Variants in INPP5D observed in about 807,000 individuals in gnomAD.
The protein encoded by INPP5D is inositol polyphosphate-5-phosphatase D, also known as phosphatidylinositol 3,4,5-trisphosphate 5-phosphatase 1.
In INPP5D, 33 loss-of-function variants were observed where a neutral mutation model predicts 122.9. The ratio of observed to expected loss-of-function variants is 0.27; its 90% CI spans 0.20 to 0.36. The LOEUF (loss-of-function observed/expected upper bound fraction) is 0.36. Ranked by LOEUF, INPP5D falls within the 10% of genes least tolerant of loss-of-function variation. The pLI is 1.00. For missense variants in INPP5D, 1,053 were observed against 1,412.7 expected (o/e 0.75, Z 4.08); for synonymous variants, 584 against 576.2 (o/e 1.01, Z -0.19).
intron 2 of INPP5D, among the ~76,000 whole-genome samples, chr2:233,091,012 C>T (rs1174031432): frequency 6.6e-6 from 1 of 151,884 alleles, no homozygotes; most frequent in Non-Finnish European, 1.5e-5. Flanking sequence ...AAAGATACCA[C>T]TGGCTGCTTG....
At chr2:233,186,444 A>G in intron 21 of INPP5D, among the ~76,000 whole-genome samples, 1 of 152,162 alleles carries the variant, frequency 6.6e-6, no homozygotes, top group Non-Finnish European at 1.5e-5. Context: ...TGCAAAGAGC[A>G]GAGGGTGGAA....
intron 2 of INPP5D, among the ~76,000 whole-genome samples, chr2:233,109,086 CCCAG>C (rs1160018736): frequency 1.1e-4 from 17 of 152,228 alleles, no homozygotes; most frequent in Admixed American, 9.8e-4. Context: ...CATTCCTCTG[CCCAG>C]CCAGAGTACC....
chr2:233,132,259 A>G (rs1389873670), intron 5 of INPP5D, among the ~76,000 whole-genome samples: 1 of 152,178 alleles, frequency 6.6e-6, no homozygotes, highest in Non-Finnish European at 1.5e-5. Context: ...CCTTGTGGAG[A>G]AAGAAATGTA....
intron 2 of INPP5D, among the ~76,000 whole-genome samples, chr2:233,092,360 G>A (rs757434643): frequency 5.9e-5 from 9 of 152,250 alleles, no homozygotes; most frequent in Non-Finnish European, 1.2e-4. Flanking sequence ...AAAGAAGAGC[G>A]TCTCAGGGAT....
At chr2:233,084,836 G>A (rs543718424) in intron 2 of INPP5D, among the ~76,000 whole-genome samples, 3 of 152,368 alleles carry the variant, frequency 2.0e-5, no homozygotes, top group South Asian at 4.1e-4. Flanking sequence ...GCCATGCCAA[G>A]GACAATGGGC....
chr2:233,064,455 T>A (rs1691156469), intron 1 of INPP5D, among the ~76,000 whole-genome samples: 1 of 152,176 alleles, frequency 6.6e-6, no homozygotes, highest in Non-Finnish European at 1.5e-5. Flanking sequence ...CAGCAGAAGG[T>A]TGTTACCAAC....
chr2:233,169,214 G>T, intron 13 of INPP5D, 91 bp from the exon 14 acceptor site: 1 of 1,529,526 alleles, frequency 6.5e-7, no homozygotes, highest in South Asian at 1.2e-5. Context: ...CTCACTCACT[G>T]CCCCTCTCAC....
At chr2:233,066,867 T>C (rs114586452) in intron 1 of INPP5D, among the ~76,000 whole-genome samples, 8,040 of 152,126 alleles carry the variant, frequency 0.053, 558 homozygotes, top group African/African-American at 0.16. Context: ...TAACCTCCGC[T>C]TCCTGAATTC....
At chr2:233,080,430 GGT>G (rs5839469) in intron 2 of INPP5D, among the ~76,000 whole-genome samples, 117,981 of 148,492 alleles carry the variant, frequency 0.79, 47,354 homozygotes, top group Middle Eastern at 0.89. Context: ...CCACATCCCG[GGT>G]GTGTGTGTGT....
Position 233,171,145 on chromosome 2 carries a change from C to G in INPP5D, c.1982C>G (p.Ala661Gly). The G allele has an allele frequency of 6.2e-7, 1 of 1,613,612 alleles. No homozygotes were observed. Among genetic ancestry groups the G allele is most frequent in the African/African-American group, 1.3e-5 (1 of 74,960 alleles). ...RDKYAYTKQK[A>G]TGMKYNLPSW... ...AAATACGCCTACACCAAGCAGAAAG[C>G]GACAGGGGTGAGTCCTCTTCATAGA... The change falls in exon 17 of 27, where the codon GCG becomes GGG. Residue 661 changes from alanine to glycine, a missense_variant. By Grantham distance (60) the Ala-to-Gly change is moderately conservative. Around this residue, in one of 6 missense-constraint regions of INPP5D, gnomAD observed 258 missense variants for 439.1 expected, o/e 0.59. Transcript: ENST00000445964.
chr2:233,164,235 G>A lies in INPP5D; in HGVS notation c.1438-72G>A. On this transcript the variant is annotated intron_variant, in intron 12 of 26. Coordinates refer to ENST00000445964, the MANE Select transcript of INPP5D (RefSeq NM_001017915.3). The surrounding 1 kb of genome is among the most constrained non-coding windows in gnomAD (Gnocchi z 4.3). ...ATACCCAGGGGCTGCGGCTGGGGCTGGGTGTGAATCACTGTGCCCTGGTTC... is the reference window on the plus strand; with the variant it reads ...ATACCCAGGGGCTGCGGCTGGGGCTAGGTGTGAATCACTGTGCCCTGGTTC... The A allele has an allele frequency of 2.0e-6, 3 of 1,485,668 alleles. No individual in the cohort carries two copies. Among genetic ancestry groups the A allele is most frequent in the Non-Finnish European group, 1.8e-6 (2 of 1,112,332 alleles). 92.0% of individuals were successfully genotyped at this position (1,485,668 alleles called of 1,614,324 possible).
At chr2:233,201,871 A>G (rs1695348914) in intron 25 of INPP5D, among the ~76,000 whole-genome samples, 1 of 152,194 alleles carries the variant, frequency 6.6e-6, no homozygotes, top group South Asian at 2.1e-4. Flanking sequence ...TCCCCTAGAT[A>G]TCGGTTCCCT....
At chr2:233,111,958 G>T (rs564021264) in intron 2 of INPP5D, among the ~76,000 whole-genome samples, 45 of 151,868 alleles carry the variant, frequency 3.0e-4, no homozygotes, top group African/African-American at 6.8e-4. Flanking sequence ...AGGTACTTGG[G>T]GGGGCTGAGG....
In INPP5D at chr2:233,100,659, T is replaced by C. The variant is rs1409370755; in HGVS notation, c.198+21261T>C. 6.6e-6 allele frequency among the ~76,000 whole-genome samples: 1 copy of C among 151,906 alleles called. No homozygotes were observed. Among genetic ancestry groups the C allele is most frequent in the Non-Finnish European group, 1.5e-5 (1 of 67,978 alleles). Reference sequence around the variant, plus strand: ...AGGCTTGGTTCTACGGAAGCTGGGGTCGTCACAGCCTGTTTTCTGCCTTGG... The same window carrying C: ...AGGCTTGGTTCTACGGAAGCTGGGGCCGTCACAGCCTGTTTTCTGCCTTGG... On this transcript the variant is annotated intron_variant, in intron 2 of 26. Transcript: ENST00000445964. The surrounding 1 kb of genome is among the most constrained non-coding windows in gnomAD (Gnocchi z 5.3).
intron 5 of INPP5D, among the ~76,000 whole-genome samples, chr2:233,136,042 A>G (rs1044402147): frequency 1.3e-5 from 2 of 152,236 alleles, no homozygotes; most frequent in South Asian, 2.1e-4. Flanking sequence ...TAAGAAAGAA[A>G]CTGACACAAT....
rs920042994 is a variant in INPP5D, at chr2:233,128,541, G to A, written c.525-1967G>A. ...CACCCAAGCTGGAACACAGTGGCGC[G>A]ATCTCGGCTCACTGCAACCTCTACC... On this transcript the variant is annotated intron_variant, in intron 4 of 26. Transcript: ENST00000445964. The surrounding 1 kb of genome is among the most constrained non-coding windows in gnomAD (Gnocchi z 4.5). 1.3e-5 allele frequency among the ~76,000 whole-genome samples: 2 copies of A among 152,120 alleles called. No individual in the cohort carries two copies. Among genetic ancestry groups the A allele is most frequent in the South Asian group, 4.1e-4 (2 of 4,824 alleles).
chr2:233,137,806 T>C (rs1452831364), intron 5 of INPP5D, among the ~76,000 whole-genome samples: 1 of 105,492 alleles, frequency 9.5e-6, no homozygotes, highest in Non-Finnish European at 1.8e-5. Flanking sequence ...CACTCCAGCC[T>C]GGGCAACAAG....
Position 233,078,475 on chromosome 2 carries a change from A to G in INPP5D, c.135-860A>G, listed in dbSNP as rs1322289487. 6.6e-6 allele frequency among the ~76,000 whole-genome samples: 1 copy of G among 152,148 alleles called. No homozygotes were observed. Among genetic ancestry groups the G allele is most frequent in the East Asian group, 1.9e-4 (1 of 5,186 alleles). Reference sequence around the variant, plus strand: ...GGCTGGTGGCCAACCCCTGGGAGATAATCCACGGGGCATAGTGTCCAAGAG... The same window carrying G: ...GGCTGGTGGCCAACCCCTGGGAGATGATCCACGGGGCATAGTGTCCAAGAG... On this transcript the variant is annotated intron_variant, in intron 1 of 26. Transcript: ENST00000445964. The surrounding 1 kb of genome is among the most constrained non-coding windows in gnomAD (Gnocchi z 4.6).
chr2:233,169,919 C>A lies in INPP5D; in HGVS notation c.1653-107C>A, dbSNP rs1574782887. 3.8e-6 allele frequency: 6 copies of A among 1,567,524 alleles called. No homozygotes were observed. The Admixed American group carries it at 7.0e-5, about 18-fold the overall frequency. The stretch of plus-strand genomic sequence containing the variant: ...TGGAGGGCTAAGTCTCACTTCCCCC[C>A]ACCTGCTATGCTCCTCGCCCCACAC... On this transcript the variant is annotated intron_variant, in intron 14 of 26. Transcript: ENST00000445964.
Sources: allele counts gnomAD v4.1 joint callset (sites outside exome capture counted in the v4.1 genomes callset), GRCh38; gene constraint gnomAD v4.1.1; regional missense constraint gnomAD v4.1.1; non-coding constraint Gnocchi (gnomAD v3.1); transcripts MANE v1.5; gene names NCBI Gene and HGNC (gene_info 2026-07-23, HGNC 2026-07-21).